GABRG3: variants seen among roughly 807,000 people sequenced by gnomAD.
GABRG3 encodes the protein gamma-aminobutyric acid receptor subunit gamma-3.
In GABRG3, 25 loss-of-function variants were observed where a neutral mutation model predicts 48.8. The ratio of observed to expected loss-of-function variants is 0.51; its 90% CI spans 0.37 to 0.72. GABRG3 has a LOEUF of 0.72. Ranked by LOEUF, GABRG3 falls within the 30% of genes least tolerant of loss-of-function variation. GABRG3 has a pLI of 0.00. For synonymous variants in GABRG3, 227 were observed against 217.6 expected, an observed-to-expected ratio of 1.04 and a Z score of -0.38; for missense variants, 394 against 577.9, an observed-to-expected ratio of 0.68 and a Z score of 3.26.
At chr15:27,428,975 T>C (rs1218967815) in intron 5 of GABRG3, among the ~76,000 whole-genome samples, 1 of 152,196 alleles carries the variant, frequency 6.6e-6, no homozygotes, top group African/African-American at 2.4e-5. Context: ...TGAAGCCAAA[T>C]TCTTTGCCAT....
At chr15:27,207,778 C>A (rs889534740) in intron 3 of GABRG3, among the ~76,000 whole-genome samples, 2 of 152,172 alleles carry the variant, frequency 1.3e-5, no homozygotes, top group Admixed American at 1.3e-4. Context: ...ATGAGGGGCC[C>A]CTTACATCCC....
intron 3 of GABRG3, among the ~76,000 whole-genome samples, chr15:27,303,457 A>T (rs1374909574): frequency 1.3e-5 from 2 of 151,776 alleles, no homozygotes; most frequent in South Asian, 2.1e-4. Flanking sequence ...TTCATAGTTT[A>T]AAAAAATGTT....
chr15:27,494,796 T>G (rs1422321069), intron 6 of GABRG3, among the ~76,000 whole-genome samples: 2 of 152,174 alleles, frequency 1.3e-5, no homozygotes, highest in African/African-American at 2.4e-5. Context: ...TCTTTGTTTC[T>G]TGTTTTTCTT....
intron 3 of GABRG3, among the ~76,000 whole-genome samples, chr15:27,136,314 A>G (rs1473638014): frequency 6.6e-6 from 1 of 152,230 alleles, no homozygotes. Context: ...AATGGCCAAC[A>G]TGGAATGTAA....
chr15:27,511,334 AGAG>A (rs1751596469), intron 6 of GABRG3, among the ~76,000 whole-genome samples: 1 of 152,198 alleles, frequency 6.6e-6, no homozygotes, highest in African/African-American at 2.4e-5. Flanking sequence ...GATGCAGTCT[AGAG>A]GAGCATCCCT....
chr15:27,519,916 C>T (rs1891118777), intron 6 of GABRG3, 56 bp from the exon 7 acceptor site: 3 of 1,201,430 alleles, frequency 2.5e-6, no homozygotes, highest in East Asian at 5.4e-5. Context: ...AATTATTTTC[C>T]TGAATTATTT....
chr15:26,991,163 T>C (rs766620718), intron 2 of GABRG3, among the ~76,000 whole-genome samples: 9 of 152,202 alleles, frequency 5.9e-5, no homozygotes, highest in African/African-American at 2.2e-4. Flanking sequence ...GCACCATTTA[T>C]TGAAGACATT....
At chr15:27,311,258 A>G (rs1052434114) in intron 3 of GABRG3, among the ~76,000 whole-genome samples, 5 of 144,370 alleles carry the variant, frequency 3.5e-5, no homozygotes, top group Admixed American at 2.8e-4. Flanking sequence ...CCCACATCAA[A>G]GTCAGTAGGG....
intron 9 of GABRG3, 29 bp downstream of exon 9, chr15:27,528,021 T>C: frequency 6.6e-7 from 1 of 1,515,794 alleles, no homozygotes; most frequent in East Asian, 2.3e-5. Context: ...GTGCCAATAT[T>C]TCTGAGAACT....
At chr15:26,993,849 CTAA>C (rs2140649312) in intron 2 of GABRG3, among the ~76,000 whole-genome samples, 1 of 151,998 alleles carries the variant, frequency 6.6e-6, no homozygotes, top group African/African-American at 2.4e-5. Context: ...CTCTTTAGCT[CTAA>C]TAATATTTGC....
chr15:27,540,020 C>T lies in GABRG3; in HGVS notation c.*7139C>T, dbSNP rs1319469150. 1.3e-5 allele frequency: 2 copies of T among 152,182 alleles called. No homozygotes were observed. Among genetic ancestry groups the T allele is most frequent in the African/African-American group, 4.8e-5 (2 of 41,434 alleles). 9.4% of individuals were successfully genotyped at this position (152,182 alleles called of 1,614,324 possible). ...TTCTACTAGTACTCAGCTATTGATT[C>T]AACACAAAGGCTTAGAGCCTTTTCT... is the stretch of plus-strand genomic sequence containing the variant. On this transcript the variant is annotated 3_prime_UTR_variant, in exon 10 of 10. Transcript: ENST00000615808.
chr15:27,099,270 C>T (rs1051645082), intron 3 of GABRG3, among the ~76,000 whole-genome samples: 7 of 152,086 alleles, frequency 4.6e-5, no homozygotes, highest in Admixed American at 2.0e-4. Context: ...TAAGTTGTTG[C>T]GTTACTTGCT....
intron 3 of GABRG3, among the ~76,000 whole-genome samples, chr15:27,312,963 G>T (rs1188102007): frequency 6.7e-6 from 1 of 150,294 alleles, no homozygotes; most frequent in Non-Finnish European, 1.5e-5. Flanking sequence ...GTGTTTATGG[G>T]TGCACAATAT....
chr15:27,047,700 G>A (rs1020621305), intron 3 of GABRG3, among the ~76,000 whole-genome samples: 12 of 152,136 alleles, frequency 7.9e-5, no homozygotes, highest in Non-Finnish European at 1.3e-4. Flanking sequence ...TGGTCAGGTC[G>A]ATTTTAAAAG....
At chr15:27,465,536 C>A (rs8041982) in intron 5 of GABRG3, among the ~76,000 whole-genome samples, 57,922 of 152,030 alleles carry the variant, frequency 0.38, 14,359 homozygotes, top group African/African-American at 0.69. Context: ...GATTTTATAC[C>A]GAATTCCCTA....
chr15:27,242,751 C>A (rs564881961), intron 3 of GABRG3, among the ~76,000 whole-genome samples: 1 of 152,276 alleles, frequency 6.6e-6, no homozygotes, highest in African/African-American at 2.4e-5. Flanking sequence ...GAGAAAGAGT[C>A]TCAACAGAAG....
chr15:27,336,196 AAG>A (rs1893959185), intron 5 of GABRG3, among the ~76,000 whole-genome samples: 1 of 143,592 alleles, frequency 7.0e-6, no homozygotes, highest in Non-Finnish European at 1.5e-5. Flanking sequence ...TATGAAAAGA[AAG>A]AAAGAAAGAA....
chr15:27,188,407 A>G (rs1480221451), intron 3 of GABRG3, among the ~76,000 whole-genome samples: 1 of 152,174 alleles, frequency 6.6e-6, no homozygotes, highest in Non-Finnish European at 1.5e-5. Flanking sequence ...TGACTTTTTC[A>G]TGATTGCCAT....
intron 2 of GABRG3, among the ~76,000 whole-genome samples, chr15:27,021,677 C>T (rs1037222248): frequency 6.6e-6 from 1 of 151,544 alleles, no homozygotes; most frequent in African/African-American, 2.4e-5. Flanking sequence ...TCTATTTCTA[C>T]AAAAAAAATT....
Sources: allele counts gnomAD v4.1 joint callset (sites outside exome capture counted in the v4.1 genomes callset), GRCh38; gene constraint gnomAD v4.1.1; transcripts MANE v1.5; gene names NCBI Gene and HGNC (gene_info 2026-07-23, HGNC 2026-07-21).